The following LRRC4C variants were observed in gnomAD, a reference collection of about 807,000 sequenced individuals.
LRRC4C encodes the protein leucine rich repeat containing 4C, also known as leucine-rich repeat-containing protein 4C.
A neutral mutation model predicts 33.6 loss-of-function variants in LRRC4C; 5 were observed. The observed-to-expected ratio is 0.15, with a 90% CI of 0.08 to 0.31. LRRC4C has a LOEUF of 0.31. Among genes scored for constraint, LRRC4C ranks in the 10% least tolerant of loss-of-function variants. The probability of loss-of-function intolerance (pLI) is 1.00; values close to 1 mark genes in which losing one functional copy is unlikely to be tolerated. For missense variants in LRRC4C, 560 were observed against 796.7 expected, an observed-to-expected ratio of 0.70 and a Z score of 3.58; for synonymous variants, 329 against 302.0, an observed-to-expected ratio of 1.09 and a Z score of -0.93.
chr11:40,254,583 A>G (rs1187392114), intron 4 of LRRC4C, among the ~76,000 whole-genome samples: 1 of 152,214 alleles, frequency 6.6e-6, no homozygotes, highest in East Asian at 1.9e-4. Context: ...TGATACACAT[A>G]ATAGAACTTC....
chr11:40,227,522 T>A (rs928899561), intron 5 of LRRC4C, among the ~76,000 whole-genome samples: 23 of 152,140 alleles, frequency 1.5e-4, no homozygotes, highest in Non-Finnish European at 2.8e-4. Context: ...AAGCATAGGT[T>A]GGCTTGTTTC....
chr11:41,096,887 G>T (rs574677114), intron 1 of LRRC4C, among the ~76,000 whole-genome samples: 46 of 152,244 alleles, frequency 3.0e-4, no homozygotes, highest in African/African-American at 1.1e-3. Context: ...GTGAGTAAAG[G>T]TCACCTTGGC....
intron 2 of LRRC4C, among the ~76,000 whole-genome samples, chr11:40,798,394 G>A (rs532153416): frequency 3.3e-5 from 5 of 152,144 alleles, no homozygotes; most frequent in African/African-American, 1.2e-4. Context: ...TGGCCATAGG[G>A]GAAGCTTGCT....
intron 1 of LRRC4C, among the ~76,000 whole-genome samples, chr11:41,340,418 C>T (rs758471302): frequency 1.3e-5 from 2 of 152,110 alleles, no homozygotes; most frequent in Admixed American, 6.6e-5. Context: ...CCTGAATCTC[C>T]AGGACTTTAA....
At chr11:40,960,573 C>T (rs1850906721) in intron 1 of LRRC4C, among the ~76,000 whole-genome samples, 1 of 151,662 alleles carries the variant, frequency 6.6e-6, no homozygotes, top group Admixed American at 6.6e-5. Context: ...TATCTCAGTT[C>T]TTACTGGAAA....
intron 5 of LRRC4C, among the ~76,000 whole-genome samples, chr11:40,200,707 C>T (rs1397037794): frequency 7.7e-6 from 1 of 130,118 alleles, no homozygotes; most frequent in African/African-American, 3.0e-5. Context: ...TGGGGGTTGC[C>T]GTGAGCTGAG....
chr11:40,482,551 C>T (rs942457882), intron 3 of LRRC4C, among the ~76,000 whole-genome samples: 2 of 152,032 alleles, frequency 1.3e-5, no homozygotes, highest in African/African-American at 2.4e-5. Context: ...TCACTGCAAC[C>T]TCTGCCTCCC....
chr11:40,977,470 A>C (rs1478819942), intron 1 of LRRC4C, among the ~76,000 whole-genome samples: 2 of 152,130 alleles, frequency 1.3e-5, no homozygotes, highest in African/African-American at 4.8e-5. Flanking sequence ...ATAATTTATA[A>C]GTCATTTTCC....
At chr11:41,143,818 A>G (rs1030743829) in intron 1 of LRRC4C, among the ~76,000 whole-genome samples, 1 of 152,200 alleles carries the variant, frequency 6.6e-6, no homozygotes, top group Non-Finnish European at 1.5e-5. Context: ...GAAAACACTA[A>G]TTGAGAGGCA....
intron 5 of LRRC4C, among the ~76,000 whole-genome samples, chr11:40,230,963 GC>G (rs1201417664): frequency 1.3e-5 from 2 of 152,120 alleles, no homozygotes; most frequent in Non-Finnish European, 2.9e-5. Flanking sequence ...GCAGTTATTT[GC>G]TTTCATGTTC....
At chr11:40,176,171 G>T (rs1326262443) in intron 5 of LRRC4C, among the ~76,000 whole-genome samples, 1 of 152,174 alleles carries the variant, frequency 6.6e-6, no homozygotes, top group African/African-American at 2.4e-5. Flanking sequence ...AGGAGAATAT[G>T]ACCAAATTCA....
chr11:40,758,370 T>C (rs1459639418), intron 2 of LRRC4C, among the ~76,000 whole-genome samples: 1 of 152,000 alleles, frequency 6.6e-6, no homozygotes. Flanking sequence ...TCCTGCTATG[T>C]GCATGGTAAT....
At chr11:41,243,031 A>T (rs571967575) in intron 1 of LRRC4C, among the ~76,000 whole-genome samples, 2 of 152,306 alleles carry the variant, frequency 1.3e-5, no homozygotes. Flanking sequence ...CATTCCGTCA[A>T]AAATTATGAC....
At chr11:40,291,931 CT>C (rs113937225) in intron 4 of LRRC4C, among the ~76,000 whole-genome samples, 480 of 143,526 alleles carry the variant, frequency 3.3e-3, no homozygotes, top group East Asian at 0.026. Context: ...TCTTGGGGAG[CT>C]TTTTTTTTTT....
At chr11:40,639,930 A>ATTTT (rs61055829) in intron 3 of LRRC4C, among the ~76,000 whole-genome samples, 79 of 149,440 alleles carry the variant, frequency 5.3e-4, no homozygotes, top group Middle Eastern at 3.4e-3. Flanking sequence ...ACATAGACTG[A>ATTTT]TTTTTTTTTT....
chr11:41,022,093 T>C (rs1383223919), intron 1 of LRRC4C, among the ~76,000 whole-genome samples: 1 of 150,766 alleles, frequency 6.6e-6, no homozygotes, highest in African/African-American at 2.4e-5. Context: ...TAGGAATGTC[T>C]TCCTGAATGC....
At chr11:40,589,686 C>A (rs1958941176) in intron 3 of LRRC4C, among the ~76,000 whole-genome samples, 1 of 151,794 alleles carries the variant, frequency 6.6e-6, no homozygotes, top group African/African-American at 2.4e-5. Flanking sequence ...GTGACAAAAT[C>A]TCTCAGCATT....
At chr11:40,649,555 CAT>C (rs1480435481) in intron 2 of LRRC4C, among the ~76,000 whole-genome samples, 3 of 152,162 alleles carry the variant, frequency 2.0e-5, no homozygotes, top group Non-Finnish European at 4.4e-5. Context: ...TTGAAACACA[CAT>C]GTTTTACAAT....
At chr11:41,027,451 G>T (rs961192750) in intron 1 of LRRC4C, among the ~76,000 whole-genome samples, 1 of 151,572 alleles carries the variant, frequency 6.6e-6, no homozygotes, top group African/African-American at 2.4e-5. Flanking sequence ...GCACTCAGAA[G>T]GTTATGAAAT....
Sources: gnomAD v4.1 joint callset for allele counts (sites outside exome capture counted in the v4.1 genomes callset) on GRCh38, gnomAD v4.1.1 for gene constraint, MANE v1.5 for transcripts, NCBI Gene and HGNC (gene_info 2026-07-23, HGNC 2026-07-21) for gene names.